The following SNTB2 variants were observed in gnomAD, a reference collection of about 807,000 sequenced individuals.
The protein encoded by SNTB2 is beta-2-syntrophin.
A neutral mutation model predicts 46.2 loss-of-function variants in SNTB2; 34 were observed. The observed-to-expected ratio is 0.74, with a 90% CI of 0.56 to 0.98. SNTB2 has a LOEUF of 0.98. Among genes scored for constraint, SNTB2 ranks in the 50% least tolerant of loss-of-function variants. The pLI, the probability that SNTB2 is intolerant of heterozygous loss-of-function variation, is 0.00. For missense variants in SNTB2, 603 were observed against 731.4 expected (o/e 0.82, Z 2.02); for synonymous variants, 290 against 312.6 (o/e 0.93, Z 0.76).
intron 1 of SNTB2, among the ~76,000 whole-genome samples, chr16:69,219,718 A>ATTTTGTTTTGTTTTG (rs60116168): frequency 7.8e-5 from 11 of 140,858 alleles, no homozygotes; most frequent in African/African-American, 1.2e-4. Context: ...ATTTTATTTT[A>ATTTTGTTTTGTTTTG]TTTTGTTTTG....
intron 3 of SNTB2, among the ~76,000 whole-genome samples, chr16:69,266,086 C>T (rs1449664711): frequency 1.3e-5 from 2 of 152,058 alleles, no homozygotes; most frequent in Non-Finnish European, 2.9e-5. Context: ...AAGGCAAGGC[C>T]AGGTGTGGTG....
At chr16:69,215,654 T>C (rs1964339605) in intron 1 of SNTB2, among the ~76,000 whole-genome samples, 2 of 152,196 alleles carry the variant, frequency 1.3e-5, no homozygotes, top group South Asian at 4.1e-4. Context: ...TTCTGGCCTT[T>C]ATGATGTTAG....
In SNTB2 at chr16:69,308,867, A is replaced by T. The variant is rs1341029781; in HGVS notation, c.*7943A>T. The T allele has an allele frequency of 6.6e-6, 1 of 152,438 alleles. No individual in the cohort carries two copies. The highest frequency in any genetic ancestry group is 2.4e-5 in the African/African-American group (1 of 41,440). 9.4% of individuals were successfully genotyped at this position (152,438 alleles called of 1,614,324 possible). On this transcript the variant is annotated 3_prime_UTR_variant, in exon 7 of 7. Transcript: ENST00000336278. The stretch of plus-strand genomic sequence containing the variant: ...AAAACAGGGCAGTATTTGTGTTCCT[A>T]ATTTTAAAAAGCTTTATGTATACTC...
chr16:69,242,774 C>T (rs1964630636), intron 1 of SNTB2, among the ~76,000 whole-genome samples: 1 of 152,154 alleles, frequency 6.6e-6, no homozygotes, highest in African/African-American at 2.4e-5. Flanking sequence ...GTTATCCCAG[C>T]ACTTTGGGAG....
intron 1 of SNTB2, among the ~76,000 whole-genome samples, chr16:69,210,490 G>A (rs1031723255): frequency 2.0e-5 from 3 of 151,568 alleles, no homozygotes; most frequent in East Asian, 3.9e-4. Context: ...CACCTGCCTC[G>A]GCCTCCCAGA....
At chr16:69,215,863 C>T (rs1964342101) in intron 1 of SNTB2, among the ~76,000 whole-genome samples, 5 of 152,252 alleles carry the variant, frequency 3.3e-5, no homozygotes, top group Admixed American at 2.0e-4. Context: ...AGTGCAGTGG[C>T]GTGATCACAG....
rs371377294 is a variant in SNTB2 at position 69,280,820 on chromosome 16, C to T, written c.1149-3228C>T. ...ATTCTCTCTTTTTTTTTTTTTGAGA[C>T]GGAGTCTCGCTCTGTTGCCCAGGCT... On this transcript the variant is annotated intron_variant, in intron 4 of 6. Transcript: ENST00000336278. Among the ~76,000 whole-genome samples the T allele has an allele frequency of 4.9e-4, 71 of 143,706 alleles. No individual in the cohort carries two copies. In the South Asian group the frequency reaches 0.015, roughly 30 times the overall value. The allele number at this position is 143,706 out of a possible 152,430, so 94.3% of individuals were successfully genotyped here.
At chr16:69,223,320 G>A (rs1964425561) in intron 1 of SNTB2, among the ~76,000 whole-genome samples, 1 of 151,188 alleles carries the variant, frequency 6.6e-6, no homozygotes, top group African/African-American at 2.4e-5. Context: ...AGCCTCCCAA[G>A]TAGCTGAGAT....
chr16:69,259,088 A>G (rs1185671197), intron 2 of SNTB2, among the ~76,000 whole-genome samples: 1 of 152,008 alleles, frequency 6.6e-6, no homozygotes, highest in African/African-American at 2.4e-5. Flanking sequence ...TTTTAGACAT[A>G]GAAATTAAGG....
At position 69,284,077 on chromosome 16, in the gene SNTB2, C is replaced by T; in HGVS notation, c.1178C>T (p.Ser393Phe). Residue 393 changes from serine to phenylalanine, a missense_variant, in exon 5 of 7, where the codon TCC becomes TTC. Around this residue, in one of 2 missense-constraint regions of SNTB2, gnomAD observed 537 missense variants for 692.4 expected, o/e 0.78. Coordinates refer to ENST00000336278, the MANE Select transcript of SNTB2 (RefSeq NM_006750.4). Reference sequence around the variant, plus strand: ...GTTCATTCTGGCTCCGGATGTCGATCCCCCTCCCTTGGATCTGACCTTACA... The same window carrying T: ...GTTCATTCTGGCTCCGGATGTCGATTCCCCTCCCTTGGATCTGACCTTACA... ...RLVHSGSGCR[S>F]PSLGSDLTFA... 1 of 1,613,164 alleles carries T rather than the reference C, an allele frequency of 6.2e-7. No individual in the cohort carries two copies. The highest frequency in any genetic ancestry group is 8.5e-7 in the Non-Finnish European group (1 of 1,179,466).
chr16:69,291,059 A>G (rs542971417), intron 5 of SNTB2, among the ~76,000 whole-genome samples: 6 of 152,366 alleles, frequency 3.9e-5, no homozygotes, highest in Non-Finnish European at 5.9e-5. Flanking sequence ...ACCAAATAGC[A>G]ATAAGAGAAC....
chr16:69,221,551 A>G lies in SNTB2; in HGVS notation c.581-24051A>G, dbSNP rs1054247164. On this transcript the variant is annotated intron_variant, in intron 1 of 6. Coordinates refer to ENST00000336278, the MANE Select transcript of SNTB2 (RefSeq NM_006750.4). ...AGCAGTTTGGGAGGCTGACGTGGGC[A>G]GATCACTTGAAGTCAGGAGTTTGAG... 2.6e-5 allele frequency among the ~76,000 whole-genome samples: 4 copies of G among 152,138 alleles called. No individual in the cohort carries two copies. In the East Asian group the frequency reaches 5.8e-4, roughly 22 times the overall value.
intron 1 of SNTB2, among the ~76,000 whole-genome samples, chr16:69,244,054 A>G (rs1418343478): frequency 6.6e-6 from 1 of 152,204 alleles, no homozygotes; most frequent in East Asian, 1.9e-4. Context: ...AATGTTTAGT[A>G]TGTGCCTGAA....
chr16:69,196,375 T>A (rs942077849), intron 1 of SNTB2, among the ~76,000 whole-genome samples: 1 of 150,626 alleles, frequency 6.6e-6, no homozygotes, highest in Non-Finnish European at 1.5e-5. Context: ...CTTTTCTTTT[T>A]CTTTTTTTTT....
At chr16:69,189,799 T>G (rs754662860) in intron 1 of SNTB2, among the ~76,000 whole-genome samples, 12 of 152,352 alleles carry the variant, frequency 7.9e-5, no homozygotes, top group Non-Finnish European at 1.5e-4. Context: ...TTGAACCTAG[T>G]ATTCAGACCA....
chr16:69,234,558 A>G (rs1474939453), intron 1 of SNTB2, among the ~76,000 whole-genome samples: 1 of 152,156 alleles, frequency 6.6e-6, no homozygotes, highest in Non-Finnish European at 1.5e-5. Context: ...TCTTTTCAGT[A>G]TTTCCAGTTT....
chr16:69,264,794 T>C (rs560378279), intron 3 of SNTB2, among the ~76,000 whole-genome samples: 4 of 152,222 alleles, frequency 2.6e-5, no homozygotes, highest in Non-Finnish European at 5.9e-5. Flanking sequence ...GACAGCCTTA[T>C]GCCACAGCAT....
At chr16:69,296,719 CAAA>C (rs199809401) in intron 5 of SNTB2, among the ~76,000 whole-genome samples, 4 of 91,088 alleles carry the variant, frequency 4.4e-5, no homozygotes, top group Non-Finnish European at 2.2e-5. Flanking sequence ...GACTCTGTCT[CAAA>C]AAAAAAAAAA....
At chr16:69,202,434 A>G (rs1167661292) in intron 1 of SNTB2, among the ~76,000 whole-genome samples, 1 of 151,472 alleles carries the variant, frequency 6.6e-6, no homozygotes, top group African/African-American at 2.4e-5. Context: ...ATAGGGTTTC[A>G]CTCTGTTACC....
Sources: allele counts gnomAD v4.1 joint callset (sites outside exome capture counted in the v4.1 genomes callset), GRCh38; gene constraint gnomAD v4.1.1; regional missense constraint gnomAD v4.1.1; transcripts MANE v1.5; gene names NCBI Gene and HGNC (gene_info 2026-07-23, HGNC 2026-07-21).